PCDHGA7: variants seen among roughly 807,000 people sequenced by gnomAD.
The protein encoded by PCDHGA7 is protocadherin gamma-A7.
In PCDHGA7, 44 loss-of-function variants were observed where a neutral mutation model predicts 58.3. The ratio of observed to expected loss-of-function variants is 0.75; its 90% confidence interval spans 0.59 to 0.97. PCDHGA7 has a LOEUF of 0.97. Among genes scored for constraint, PCDHGA7 ranks in the 50% least tolerant of loss-of-function variants. The probability of loss-of-function intolerance (pLI) is 0.00; values close to 1 mark genes in which losing one functional copy is unlikely to be tolerated. For synonymous variants in PCDHGA7, 516 were observed against 504.2 expected (o/e 1.02, Z -0.31); for missense variants, 1,266 against 1,188.7 (o/e 1.06, Z -0.96).
At chr5:141,455,605 T>C (rs930071553) in intron 1 of PCDHGA7, among the ~76,000 whole-genome samples, 2 of 152,098 alleles carry the variant, frequency 1.3e-5, no homozygotes, top group African/African-American at 4.8e-5. Flanking sequence ...TAGGGCGCCA[T>C]GGATGTTCTA....
intron 1 of PCDHGA7, chr5:141,430,525 G>C (rs1354801907): frequency 3.3e-5 from 12 of 365,842 alleles, no homozygotes; most frequent in Admixed American, 1.3e-4. Context: ...GCAGTAATTG[G>C]TTAGGACTCT....
At chr5:141,492,601 C>T (rs1374321466) in intron 1 of PCDHGA7, among the ~76,000 whole-genome samples, 2 of 152,220 alleles carry the variant, frequency 1.3e-5, no homozygotes, top group East Asian at 3.9e-4. Context: ...GGAGCGACTG[C>T]CGCTCTAAGT....
intron 1 of PCDHGA7, chr5:141,418,471 G>A (rs199547102): frequency 1.9e-6 from 3 of 1,614,002 alleles, no homozygotes; most frequent in South Asian, 2.2e-5. Flanking sequence ...ACCGAGAAAC[G>A]CAGAGCGCTC....
At chr5:141,461,501 T>G (rs113852528) in intron 1 of PCDHGA7, among the ~76,000 whole-genome samples, 1 of 152,310 alleles carries the variant, frequency 6.6e-6, no homozygotes, top group South Asian at 2.1e-4. Flanking sequence ...TTATTTTTCT[T>G]GGTGATTTGT....
In PCDHGA7 at chr5:141,491,443, G is replaced by C. The variant is rs955584868; in HGVS notation, c.2425-3364G>C. On this transcript the variant is annotated intron_variant, in intron 1 of 3. Transcript: ENST00000518325. This position sits in a 1 kb window ranked among gnomAD's most constrained non-coding sequence, Gnocchi z 6.9. ...TGGAGGGCAGTGCTGCAGGCGCCAG[G>C]ACTCACCCTCCCCGGACTTCTATAA... 1 of 1,613,998 alleles carries C rather than the reference G, an allele frequency of 6.2e-7. No homozygotes were observed. Among genetic ancestry groups the C allele is most frequent in the Admixed American group, 1.7e-5 (1 of 60,000 alleles).
At position 141,432,552 on chromosome 5, in the gene PCDHGA7, C is replaced by G. The variant is rs1181931321; in HGVS notation, c.2424+47229C>G. ...AAGGTGGTGGCGGTGGACAGAGACT[C>G]CGGCCAGAACGCCTGGCTGTCCTAC... On this transcript the variant is annotated intron_variant, in intron 1 of 3. Coordinates refer to ENST00000518325, the MANE Select transcript of PCDHGA7 (RefSeq NM_018920.4). The surrounding 1 kb of genome is among the most constrained non-coding windows in gnomAD (Gnocchi z 6.0). The G allele has an allele frequency of 6.2e-7, 1 of 1,613,970 alleles. No homozygotes were observed. The highest frequency in any genetic ancestry group is 1.1e-5 in the South Asian group (1 of 91,064).
rs529787438 is a variant in PCDHGA7 at position 141,470,330 on chromosome 5, G to A, written c.2425-24477G>A. Among the ~76,000 whole-genome samples the A allele has an allele frequency of 3.3e-4, 50 of 152,144 alleles. 1 individual carries two copies. The highest frequency in any genetic ancestry group is 1.1e-3 in the African/African-American group (47 of 41,498). ...TTTTCCTCAAATGATCCCATAATTT[G>A]ACCTTAGGAAGCTGTTCAAATAGAC... On this transcript the variant is annotated intron_variant, in intron 1 of 3. Coordinates refer to ENST00000518325, the MANE Select transcript of PCDHGA7 (RefSeq NM_018920.4).
chr5:141,383,924 A>T lies in PCDHGA7; in HGVS notation c.1025A>T (p.Asp342Val), dbSNP rs1215078494. 6.2e-7 allele frequency: 1 copy of T among 1,613,832 alleles called. No homozygotes were observed. Among genetic ancestry groups the T allele is most frequent in the Non-Finnish European group, 8.5e-7 (1 of 1,179,880 alleles). Residue 342 changes from aspartate (D) to valine (V), a missense_variant, in exon 1 of 4, where the codon GAT (aspartate) becomes GTT (valine). Transcript: ENST00000518325. ...CTGATCACAGTTTTAGATGTAAATG[A>T]TAATGCTCCAGAAGTGACTATGACG... The part of the protein sequence containing the change: ...KVLITVLDVN[D>V]NAPEVTMTSL...
intron 1 of PCDHGA7, chr5:141,389,141 C>A: frequency 1.2e-6 from 2 of 1,613,998 alleles, no homozygotes; most frequent in Non-Finnish European, 8.5e-7. Flanking sequence ...ACAATATAAC[C>A]GTTACGGCAA....
intron 1 of PCDHGA7, among the ~76,000 whole-genome samples, chr5:141,454,617 G>T (rs2098794218): frequency 6.6e-6 from 1 of 151,322 alleles, no homozygotes; most frequent in Non-Finnish European, 1.5e-5. Context: ...TGTTGGTCAG[G>T]CTGGTCTCGA....
chr5:141,484,121 C>A (rs1451102473), intron 1 of PCDHGA7, among the ~76,000 whole-genome samples: 1 of 152,152 alleles, frequency 6.6e-6, no homozygotes, highest in African/African-American at 2.4e-5. Context: ...TCAAGAATAC[C>A]TTGGTGTCAG....
chr5:141,497,148 A>G (rs1436451953), intron 2 of PCDHGA7, among the ~76,000 whole-genome samples: 1 of 152,122 alleles, frequency 6.6e-6, no homozygotes, highest in Non-Finnish European at 1.5e-5. Context: ...ATCACGAAAA[A>G]AAAATAATCT....
Position 141,476,889 on chromosome 5 carries a change from C to T in PCDHGA7, c.2425-17918C>T. ...CGGGCGCGCGTCCTGGAGGATGCAC[C>T]CTCCGGCACGCGCGTGGTACAAGTC... is the stretch of plus-strand genomic sequence containing the variant. On this transcript the variant is annotated intron_variant, in intron 1 of 3. Transcript: ENST00000518325. This position sits in a 1 kb window ranked among gnomAD's most constrained non-coding sequence, Gnocchi z 7.6. 6.2e-7 allele frequency: 1 copy of T among 1,613,960 alleles called. No individual in the cohort carries two copies. The highest frequency in any genetic ancestry group is 8.5e-7 in the Non-Finnish European group (1 of 1,180,034).
rs1442570663 is a variant in PCDHGA7, at chr5:141,438,613, TATATATATATATATATATATATACACAC to T, written c.2424+53292_2424+53319del. On this transcript the variant is annotated intron_variant, in intron 1 of 3. Transcript: ENST00000518325. Reference sequence around the variant, plus strand: ...ATACATATATATATATATATATATATATATATATATATATATATATATACACACACACACACACATATATGTATATATA... The same window carrying T: ...ATACATATATATATATATATATATATACACACACACATATATGTATATATA... Among the ~76,000 whole-genome samples, 243 of 36,492 alleles carry T rather than the reference TATATATATATATATATATATATACACAC, an allele frequency of 6.7e-3. 7 individuals are homozygous for T. The highest frequency in any genetic ancestry group is 0.033 in the East Asian group (37 of 1,124). The allele number at this position is 36,492 out of a possible 152,430, so 23.9% of individuals were successfully genotyped here.
rs1778572994 is a variant in PCDHGA7, at chr5:141,382,916, G to A, written c.17G>A (p.Arg6Lys). The A allele has an allele frequency of 7.7e-6, 12 of 1,554,424 alleles. No homozygotes were observed. Among genetic ancestry groups the A allele is most frequent in the Non-Finnish European group, 9.6e-6 (11 of 1,150,582 alleles). MAAQP[R>K]GGDYRGFFLL... ...AGGACGACTATGGCGGCTCAGCCGA[G>A]GGGCGGGGACTACAGAGGATTCTTC... Residue 6 changes from arginine (R) to lysine (K), a missense_variant, in exon 1 of 4, where the codon AGG becomes AAG. Physicochemically the swap from Arg to Lys is conservative, Grantham distance 26 (BLOSUM62 2). Transcript: ENST00000518325.
At chr5:141,423,395 C>G (rs1249200485) in intron 1 of PCDHGA7, 1 of 1,614,060 alleles carries the variant, frequency 6.2e-7, no homozygotes, top group Non-Finnish European at 8.5e-7. Context: ...TGGCATAAGT[C>G]ACGCCTGCTG....
chr5:141,413,656 G>A, intron 1 of PCDHGA7: 1 of 1,613,872 alleles, frequency 6.2e-7, no homozygotes, highest in Non-Finnish European at 8.5e-7. Flanking sequence ...TCTCCCGGAA[G>A]CTATTGATCC....
At chr5:141,398,255 A>T (rs1244403375) in intron 1 of PCDHGA7, 1 of 1,457,928 alleles carries the variant, frequency 6.9e-7, no homozygotes, top group African/African-American at 1.4e-5. Context: ...GAAATGCCCA[A>T]GGGCTCCGTA....
At chr5:141,415,739 GGTTTTTTTT>G in intron 1 of PCDHGA7, 5 of 434,942 alleles carry the variant, frequency 1.1e-5, no homozygotes, top group African/African-American at 9.8e-5. Context: ...TGTTTATTAA[GGTTTTTTTT>G]TTTTTTTTTT....
Sources: allele counts gnomAD v4.1 joint callset (sites outside exome capture counted in the v4.1 genomes callset), GRCh38; gene constraint gnomAD v4.1.1; non-coding constraint Gnocchi (gnomAD v3.1); transcripts MANE v1.5; gene names NCBI Gene and HGNC (gene_info 2026-07-23, HGNC 2026-07-21).